Variants in TYW1 observed in about 807,000 individuals in gnomAD.
TYW1 encodes tRNA-yW synthesizing protein 1 homolog.
In TYW1, 46 loss-of-function variants were observed where a neutral mutation model predicts 96.2. The ratio of observed to expected loss-of-function variants is 0.48; its 90% CI spans 0.38 to 0.61. The LOEUF (loss-of-function observed/expected upper bound fraction) is 0.61. TYW1 is among the 20% of genes least tolerant of loss of function. TYW1 has a pLI of 0.00. For missense variants in TYW1, 684 were observed against 909.6 expected (o/e 0.75, Z 3.19); for synonymous variants, 274 against 323.0 (o/e 0.85, Z 1.63).
chr7:67,011,827 C>G (rs1207194161), intron 4 of TYW1, among the ~76,000 whole-genome samples: 6 of 149,756 alleles, frequency 4.0e-5, no homozygotes, highest in African/African-American at 1.2e-4. Flanking sequence ...GAGCCAAGAT[C>G]GTGCCATTGC....
intron 12 of TYW1, among the ~76,000 whole-genome samples, chr7:67,107,316 A>G (rs916297730): frequency 2.6e-5 from 4 of 152,214 alleles, no homozygotes; most frequent in South Asian, 2.1e-4. Flanking sequence ...GATACTTTCA[A>G]TAGAAGTTCC....
intron 14 of TYW1, among the ~76,000 whole-genome samples, chr7:67,194,214 C>T (rs1235118177): frequency 1.3e-5 from 2 of 152,010 alleles, no homozygotes; most frequent in African/African-American, 4.8e-5. Context: ...TGGTGAAATA[C>T]ATGTGTATAT....
intron 12 of TYW1, among the ~76,000 whole-genome samples, chr7:67,110,636 A>C (rs1249773459): frequency 1.3e-5 from 2 of 152,212 alleles, no homozygotes; most frequent in Non-Finnish European, 2.9e-5. Flanking sequence ...AATATTCCCA[A>C]AACCAAAGTA....
intron 7 of TYW1, among the ~76,000 whole-genome samples, chr7:67,043,276 G>A (rs916711793): frequency 6.6e-6 from 1 of 151,840 alleles, no homozygotes; most frequent in Non-Finnish European, 1.5e-5. Flanking sequence ...AGAACCATGA[G>A]TCAGGAGGAG....
chr7:67,205,923 C>T (rs1800783113), intron 15 of TYW1, among the ~76,000 whole-genome samples: 1 of 152,142 alleles, frequency 6.6e-6, no homozygotes, highest in South Asian at 2.1e-4. Flanking sequence ...ATCCCAAGGC[C>T]CCTAGCCAGT....
At chr7:67,077,859 T>C (rs1015741161) in intron 10 of TYW1, among the ~76,000 whole-genome samples, 3 of 152,232 alleles carry the variant, frequency 2.0e-5, no homozygotes, top group Non-Finnish European at 2.9e-5. Flanking sequence ...TTTCACAGTA[T>C]GTAATTTCAC....
intron 10 of TYW1, among the ~76,000 whole-genome samples, chr7:67,069,490 G>A (rs1260118118): frequency 6.6e-6 from 1 of 152,198 alleles, no homozygotes; most frequent in African/African-American, 2.4e-5. Flanking sequence ...TGTAATACTA[G>A]CATCTTGGGA....
chr7:67,089,275 ACCAGGCTCCTTGTCCCCTCGGGAC>A (rs1796640962), intron 11 of TYW1: 1 of 1,367,256 alleles, frequency 7.3e-7, no homozygotes, highest in Admixed American at 2.0e-5. Context: ...GTGGGGGCAA[ACCAGGCTCCTTGTCCCCTCGGGAC>A]CCAGGCTCCT....
rs543913754 is a variant in TYW1, at chr7:67,130,065, C to G, written c.1698+12447C>G. ...ATTTCTACTTTTTTTTTTTTGTTAACAGAGTGTCATATCTTTCTATAGAAG... is the reference window on the plus strand; with the variant it reads ...ATTTCTACTTTTTTTTTTTTGTTAAGAGAGTGTCATATCTTTCTATAGAAG... On this transcript the variant is annotated intron_variant, in intron 13 of 15. Coordinates refer to ENST00000359626, the MANE Select transcript of TYW1 (RefSeq NM_018264.4). Among the ~76,000 whole-genome samples, 14 of 150,608 alleles carry G rather than the reference C, an allele frequency of 9.3e-5. 1 individual carries two copies. In the South Asian group the frequency reaches 1.9e-3, roughly 20 times the overall value.
At chr7:67,238,078 C>G (rs1801950510) in intron 15 of TYW1, among the ~76,000 whole-genome samples, 1 of 151,404 alleles carries the variant, frequency 6.6e-6, no homozygotes, top group South Asian at 2.1e-4. Context: ...CCGGGCCCAG[C>G]AAAACTGCAG....
chr7:67,236,314 T>C (rs1801889413), intron 15 of TYW1, among the ~76,000 whole-genome samples: 1 of 152,160 alleles, frequency 6.6e-6, no homozygotes, highest in South Asian at 2.1e-4. Context: ...TCTCAGGCCG[T>C]CTGTGGGAAG....
At chr7:67,135,306 T>TG (rs1273810290) in intron 13 of TYW1, among the ~76,000 whole-genome samples, 2 of 140,880 alleles carry the variant, frequency 1.4e-5, no homozygotes, top group African/African-American at 5.6e-5. Flanking sequence ...AAAACAGTTT[T>TG]TTTTTTTTTT....
chr7:67,191,809 G>A (rs922869798), intron 14 of TYW1, among the ~76,000 whole-genome samples: 6 of 151,878 alleles, frequency 4.0e-5, no homozygotes, highest in Admixed American at 3.3e-4. Flanking sequence ...TTTCTGTCAC[G>A]GTGCAGCCTC....
chr7:67,234,522 A>G (rs938498676), intron 15 of TYW1, among the ~76,000 whole-genome samples: 5 of 152,118 alleles, frequency 3.3e-5, no homozygotes, highest in Non-Finnish European at 5.9e-5. Flanking sequence ...TTGGAATTCC[A>G]GCCTCCAGAA....
chr7:67,084,555 G>A (rs1254003923), intron 11 of TYW1, among the ~76,000 whole-genome samples: 4 of 148,200 alleles, frequency 2.7e-5, no homozygotes, highest in Non-Finnish European at 4.4e-5. Flanking sequence ...ATCTCGCTCT[G>A]TCACCCAGGC....
At chr7:67,048,194 C>T (rs1445206597) in intron 7 of TYW1, among the ~76,000 whole-genome samples, 7 of 147,266 alleles carry the variant, frequency 4.8e-5, no homozygotes, top group Non-Finnish European at 8.9e-5. Context: ...GCCATCCTCC[C>T]CTAGGTACCC....
chr7:67,171,105 C>T (rs902598031), intron 13 of TYW1, among the ~76,000 whole-genome samples: 21 of 151,896 alleles, frequency 1.4e-4, no homozygotes, highest in Non-Finnish European at 2.2e-4. Context: ...GTCCATTTCT[C>T]CTTGAGTCAT....
chr7:67,100,612 C>T (rs1048762393), intron 12 of TYW1, among the ~76,000 whole-genome samples: 1 of 151,798 alleles, frequency 6.6e-6, no homozygotes, highest in Non-Finnish European at 1.5e-5. Context: ...TTTGGGAGGC[C>T]GAGACGGGTG....
At chr7:67,061,182 T>G (rs2115631598) in intron 9 of TYW1, among the ~76,000 whole-genome samples, 1 of 152,266 alleles carries the variant, frequency 6.6e-6, no homozygotes, top group Non-Finnish European at 1.5e-5. Flanking sequence ...GAATCATGAT[T>G]GCACCACTGC....
Sources: gnomAD v4.1 joint callset for allele counts (sites outside exome capture counted in the v4.1 genomes callset) on GRCh38, gnomAD v4.1.1 for gene constraint, MANE v1.5 for transcripts, NCBI Gene and HGNC (gene_info 2026-07-23, HGNC 2026-07-21) for gene names.